The following TMEM132C variants were observed in gnomAD, a reference collection of about 807,000 sequenced individuals.
The protein encoded by TMEM132C is transmembrane protein 132C, also known as protein phosphatase 1, regulatory subunit 152.
Under a neutral mutation model 61.4 loss-of-function variants are expected in TMEM132C, and 29 were observed. That is an observed-to-expected ratio of 0.47 (90% confidence interval 0.35 to 0.64). The LOEUF (loss-of-function observed/expected upper bound fraction) is 0.64. Ranked by LOEUF, TMEM132C falls within the 30% of genes least tolerant of loss-of-function variation. The probability of loss-of-function intolerance (pLI) is 0.00; values close to 1 mark genes in which losing one functional copy is unlikely to be tolerated. For missense variants in TMEM132C, 1,408 were observed against 1,476.9 expected (o/e 0.95, Z 0.76); for synonymous variants, 656 against 633.1 (o/e 1.04, Z -0.54).
intron 4 of TMEM132C, among the ~76,000 whole-genome samples, chr12:128,620,067 C>CA (rs1264621048): frequency 6.6e-6 from 1 of 151,478 alleles, no homozygotes; most frequent in East Asian, 2.0e-4. Context: ...CTCATTTCTA[C>CA]AAAAAAATAC....
intron 3 of TMEM132C, among the ~76,000 whole-genome samples, chr12:128,580,799 C>T (rs913117871): frequency 6.6e-6 from 1 of 152,140 alleles, no homozygotes; most frequent in Non-Finnish European, 1.5e-5. Flanking sequence ...ATGACTTACC[C>T]CACCCCATAG....
intron 2 of TMEM132C, among the ~76,000 whole-genome samples, chr12:128,446,040 A>G (rs1379787): frequency 6.6e-6 from 1 of 152,200 alleles, no homozygotes; most frequent in African/African-American, 2.4e-5. Context: ...CTATGAAAAA[A>G]GAAAAGCAAC....
At chr12:128,628,266 A>G (rs1593125983) in intron 4 of TMEM132C, among the ~76,000 whole-genome samples, 1 of 152,080 alleles carries the variant, frequency 6.6e-6, no homozygotes, top group East Asian at 1.9e-4. Flanking sequence ...CTCCCTGAAA[A>G]GCCCACTGCA....
At chr12:128,419,020 C>A (rs1868882498) in intron 2 of TMEM132C, among the ~76,000 whole-genome samples, 1 of 152,056 alleles carries the variant, frequency 6.6e-6, no homozygotes, top group Admixed American at 6.6e-5. Flanking sequence ...AGTATCCAAC[C>A]ATGACCATTT....
At chr12:128,510,138 A>T (rs574857595) in intron 2 of TMEM132C, among the ~76,000 whole-genome samples, 1 of 152,320 alleles carries the variant, frequency 6.6e-6, no homozygotes, top group South Asian at 2.1e-4. Context: ...GATTAAGGTG[A>T]GGAGAAGGAT....
chr12:128,447,851 A>C lies in TMEM132C; in HGVS notation c.974+32231A>C, dbSNP rs374673347. ...ACGCCATTCTCCTGCCTCAGCCTCC[A>C]GAGTAGCTGGGACTACAGGCGCCCG... On this transcript the variant is annotated intron_variant, in intron 2 of 8. Transcript: ENST00000435159. Among the ~76,000 whole-genome samples the C allele has an allele frequency of 1.7e-4, 23 of 133,624 alleles. 5 individuals carry two copies. Among genetic ancestry groups the C allele is most frequent in the Admixed American group, 6.0e-4 (8 of 13,294 alleles). The allele number at this position is 133,624 out of a possible 152,430, so 87.7% of individuals were successfully genotyped here. A position where few individuals can be genotyped will look rare whatever the true frequency, so the allele number is the denominator to read the frequency against.
chr12:128,697,564 A>G, intron 8 of TMEM132C, 149 bp downstream of exon 8: 1 of 851,124 alleles, frequency 1.2e-6, no homozygotes, highest in Non-Finnish European at 1.7e-6. Context: ...CAAAGTGCTC[A>G]TGTTACCCAC....
At chr12:128,663,783 C>A (rs1485274863) in intron 4 of TMEM132C, among the ~76,000 whole-genome samples, 1 of 152,040 alleles carries the variant, frequency 6.6e-6, no homozygotes, top group African/African-American at 2.4e-5. Flanking sequence ...CAATATCATG[C>A]ACACACAGGC....
At chr12:128,319,098 C>T (rs1419873181) in intron 1 of TMEM132C, among the ~76,000 whole-genome samples, 1 of 152,132 alleles carries the variant, frequency 6.6e-6, no homozygotes, top group Non-Finnish European at 1.5e-5. Context: ...ACAATGTTGG[C>T]CATAAGGCAA....
chr12:128,273,834 C>T (rs1047567459), intron 1 of TMEM132C, among the ~76,000 whole-genome samples: 1 of 152,170 alleles, frequency 6.6e-6, no homozygotes, highest in Non-Finnish European at 1.5e-5. Context: ...CTGTTTTCCT[C>T]TACTATGTTT....
chr12:128,644,304 C>T (rs921050430), intron 4 of TMEM132C, among the ~76,000 whole-genome samples: 1 of 152,202 alleles, frequency 6.6e-6, no homozygotes, highest in Admixed American at 6.5e-5. Flanking sequence ...TATCATGCAA[C>T]ATTATTCATA....
At position 128,706,890 on chromosome 12, in the gene TMEM132C, C is replaced by T. The variant is rs1230668673; in HGVS notation, c.*595C>T. ...TTCCACTTTTTCCTTTTTTCTCTCT[C>T]TCTGTGTCCTAGACTTCCATTGCAT... On this transcript the variant is annotated 3_prime_UTR_variant, in exon 9 of 9. Coordinates refer to ENST00000435159, the MANE Select transcript of TMEM132C (RefSeq NM_001136103.3). 6.6e-6 allele frequency: 1 copy of T among 152,136 alleles called. No individual in the cohort carries two copies. The highest frequency in any genetic ancestry group is 1.5e-5 in the Non-Finnish European group (1 of 68,010). 9.4% of individuals were successfully genotyped at this position (152,136 alleles called of 1,614,324 possible).
At chr12:128,665,070 T>C (rs1267561654) in intron 4 of TMEM132C, among the ~76,000 whole-genome samples, 1 of 140,844 alleles carries the variant, frequency 7.1e-6, no homozygotes, top group African/African-American at 2.7e-5. Context: ...CACTCTCACA[T>C]ACACAAACAC....
At chr12:128,289,673 G>T (rs1871195831) in intron 1 of TMEM132C, among the ~76,000 whole-genome samples, 1 of 152,126 alleles carries the variant, frequency 6.6e-6, no homozygotes, top group African/African-American at 2.4e-5. Flanking sequence ...TTTCTAATTT[G>T]CAGTCTGCCC....
chr12:128,524,131 A>G (rs1185213697), intron 2 of TMEM132C, among the ~76,000 whole-genome samples: 1 of 152,136 alleles, frequency 6.6e-6, no homozygotes, highest in Non-Finnish European at 1.5e-5. Flanking sequence ...ACAACAACAT[A>G]GACTGGGTTC....
At chr12:128,425,046 A>G (rs1869131366) in intron 2 of TMEM132C, among the ~76,000 whole-genome samples, 1 of 152,210 alleles carries the variant, frequency 6.6e-6, no homozygotes, top group South Asian at 2.1e-4. Flanking sequence ...CTGCGCCTAT[A>G]TGGCTGGCCA....
At chr12:128,277,821 T>A (rs1224527157) in intron 1 of TMEM132C, among the ~76,000 whole-genome samples, 1 of 152,120 alleles carries the variant, frequency 6.6e-6, no homozygotes, top group African/African-American at 2.4e-5. Flanking sequence ...AACAACAAAG[T>A]CCAGGACATC....
At position 128,622,363 on chromosome 12, in the gene TMEM132C, ATATATATATATATATATAT is replaced by A. The variant is rs1953975957; in HGVS notation, c.1305+6029_1305+6047del. Among the ~76,000 whole-genome samples the A allele has an allele frequency of 7.6e-4, 43 of 56,742 alleles. 2 individuals carry two copies. The highest frequency in any genetic ancestry group is 1.7e-3 in the East Asian group (4 of 2,298). 37.2% of individuals were successfully genotyped at this position (56,742 alleles called of 152,430 possible). A position where few individuals can be genotyped will look rare whatever the true frequency, so the allele number is the denominator to read the frequency against. ...TGTCTCAAAAAAAAAAAAAAAAAAT[ATATATATATATATATATAT>A]ATATATATATATATATATAACCAGG... On this transcript the variant is annotated intron_variant, in intron 4 of 8. Transcript: ENST00000435159.
Position 128,631,384 on chromosome 12 carries a change from T to C in TMEM132C, c.1305+15049T>C, listed in dbSNP as rs73428459. On this transcript the variant is annotated intron_variant, in intron 4 of 8. Coordinates refer to ENST00000435159, the MANE Select transcript of TMEM132C (RefSeq NM_001136103.3). ...GGTGATGGAGTTGACTCACTAGAAA[T>C]CAAGAACCAGATTCGGCCCCAGCCC... 4.8e-3 allele frequency among the ~76,000 whole-genome samples: 732 copies of C among 152,336 alleles called. 8 individuals carry two copies. Among genetic ancestry groups the C allele is most frequent in the African/African-American group, 0.017 (708 of 41,580 alleles).
Sources: gnomAD v4.1 joint callset for allele counts (sites outside exome capture counted in the v4.1 genomes callset) on GRCh38, gnomAD v4.1.1 for gene constraint, MANE v1.5 for transcripts, NCBI Gene and HGNC (gene_info 2026-07-23, HGNC 2026-07-21) for gene names.